The following CFAP61 variants were observed in gnomAD, a reference collection of about 807,000 sequenced individuals.
CFAP61 encodes cilia and flagella associated protein 61.
A neutral mutation model predicts 135.6 loss-of-function variants in CFAP61; 107 were observed. That is an observed-to-expected ratio of 0.79 (90% CI 0.67 to 0.93). The LOEUF (loss-of-function observed/expected upper bound fraction) is 0.93, where lower values mean the gene tolerates loss of function less well. Ranked by LOEUF, CFAP61 falls within the 40% of genes least tolerant of loss-of-function variation. CFAP61 has a pLI of 0.00. For synonymous variants in CFAP61, 575 were observed against 578.5 expected (o/e 0.99, Z 0.09); for missense variants, 1,507 against 1,556.2 (o/e 0.97, Z 0.53).
chr20:20,261,595 C>T (rs374174658), intron 20 of CFAP61, among the ~76,000 whole-genome samples: 7 of 152,154 alleles, frequency 4.6e-5, no homozygotes, highest in Non-Finnish European at 1.0e-4. Context: ...ATTTGGGGAA[C>T]CTCAGGTCAC....
At chr20:20,297,056 C>T (rs1055220268) in intron 24 of CFAP61, among the ~76,000 whole-genome samples, 13 of 152,134 alleles carry the variant, frequency 8.5e-5, no homozygotes, top group African/African-American at 1.9e-4. Flanking sequence ...CTCTCACACA[C>T]GCACCTGGGG....
At chr20:20,279,871 T>G (rs1275469926) in intron 22 of CFAP61, among the ~76,000 whole-genome samples, 1 of 152,138 alleles carries the variant, frequency 6.6e-6, no homozygotes, top group Non-Finnish European at 1.5e-5. Context: ...TGAACAATAG[T>G]TTGTACCTGT....
At chr20:20,070,126 A>T (rs1455953229) in intron 2 of CFAP61, among the ~76,000 whole-genome samples, 1 of 152,206 alleles carries the variant, frequency 6.6e-6, no homozygotes, top group Admixed American at 6.5e-5. Flanking sequence ...TTGTCAAGAT[A>T]GTCCCTCTGA....
At chr20:20,306,753 G>A (rs182737351) in intron 25 of CFAP61, among the ~76,000 whole-genome samples, 2 of 152,114 alleles carry the variant, frequency 1.3e-5, no homozygotes, top group Admixed American at 6.5e-5. Context: ...AGAGGAAGGC[G>A]CTGGCATTCT....
chr20:20,242,783 G>A (rs1337990736), intron 18 of CFAP61, among the ~76,000 whole-genome samples: 1 of 152,234 alleles, frequency 6.6e-6, no homozygotes, highest in Non-Finnish European at 1.5e-5. Context: ...TTTCCTCGCA[G>A]ATGACACTTT....
chr20:20,244,311 C>T (rs2050259276), intron 18 of CFAP61, among the ~76,000 whole-genome samples: 1 of 152,224 alleles, frequency 6.6e-6, no homozygotes, highest in Non-Finnish European at 1.5e-5. Flanking sequence ...TCCATGAGAG[C>T]CCTGCCCCTG....
intron 7 of CFAP61, among the ~76,000 whole-genome samples, chr20:20,097,096 ATTTT>A (rs3060424): frequency 0.72 from 106,185 of 147,406 alleles, 38,372 homozygotes; most frequent in East Asian, 0.96. Context: ...TTTAATACCT[ATTTT>A]TTTTTTTTTT....
intron 25 of CFAP61, among the ~76,000 whole-genome samples, chr20:20,308,643 T>C (rs1251995244): frequency 2.0e-5 from 3 of 152,190 alleles, no homozygotes; most frequent in African/African-American, 7.2e-5. Context: ...GCCAGAGTTA[T>C]GAAGACAACC....
intron 17 of CFAP61, among the ~76,000 whole-genome samples, chr20:20,202,500 TA>T (rs927634214): frequency 2.0e-4 from 31 of 152,256 alleles, no homozygotes; most frequent in Non-Finnish European, 3.1e-4. Flanking sequence ...GCCTCGGTAT[TA>T]AAAAGTTAAA....
chr20:20,157,289 T>G (rs2052998623), intron 9 of CFAP61, among the ~76,000 whole-genome samples: 1 of 152,148 alleles, frequency 6.6e-6, no homozygotes, highest in Non-Finnish European at 1.5e-5. Flanking sequence ...GCCAGGCTGG[T>G]CTTGAACTTT....
intron 3 of CFAP61, among the ~76,000 whole-genome samples, chr20:20,071,703 C>G (rs114520802): frequency 6.6e-6 from 1 of 152,116 alleles, no homozygotes; most frequent in Non-Finnish European, 1.5e-5. Flanking sequence ...AGGGAATGCC[C>G]AATGAGTGTG....
At chr20:20,124,756 T>G (rs7272518) in intron 8 of CFAP61, among the ~76,000 whole-genome samples, 27,214 of 151,660 alleles carry the variant, frequency 0.18, 2,824 homozygotes, top group African/African-American at 0.2. Context: ...GGAGGGTTCC[T>G]TCTTTCTCTA....
chr20:20,068,012 G>T (rs996643099), intron 2 of CFAP61, among the ~76,000 whole-genome samples: 1 of 151,994 alleles, frequency 6.6e-6, no homozygotes, highest in Non-Finnish European at 1.5e-5. Flanking sequence ...GGCTTCCCAG[G>T]CCAACCCACA....
chr20:20,337,027 T>G (rs1186719810), intron 25 of CFAP61, among the ~76,000 whole-genome samples: 1 of 152,236 alleles, frequency 6.6e-6, no homozygotes, highest in African/African-American at 2.4e-5. Flanking sequence ...ACCCTAGGTC[T>G]TCTCCTTCCT....
In CFAP61 at chr20:20,251,673, C is replaced by A. The variant is rs754106206; in HGVS notation, c.2238C>A (p.Gly746=). ...WVNVVVGRMT[G]IDRAAKHVVL... ...ATGTCGTGGTGGGTAGAATGACCGGCATAGACCGAGCAGCCAAGCACGTTG... is the reference window on the plus strand; with the variant it reads ...ATGTCGTGGTGGGTAGAATGACCGGAATAGACCGAGCAGCCAAGCACGTTG... Residue 746 remains glycine (G), a synonymous_variant, in exon 20 of 27, where the codon GGC becomes GGA. Coordinates refer to ENST00000245957, the MANE Select transcript of CFAP61 (RefSeq NM_015585.4). The A allele has an allele frequency of 1.6e-5, 26 of 1,614,116 alleles. No individual in the cohort carries two copies. In the Middle Eastern group the frequency reaches 6.6e-4, roughly 41 times the overall value.
chr20:20,264,219 C>A (rs1440209919), intron 21 of CFAP61, among the ~76,000 whole-genome samples: 1 of 152,056 alleles, frequency 6.6e-6, no homozygotes, highest in Non-Finnish European at 1.5e-5. Flanking sequence ...ATGAGATTGA[C>A]CTGTAGTTCT....
chr20:20,084,975 T>C (rs2046693247), intron 6 of CFAP61: 1 of 331,372 alleles, frequency 3.0e-6, no homozygotes. Flanking sequence ...GAAGTTAAAA[T>C]AAAATATTGT....
chr20:20,093,946 C>T (rs190730151), intron 7 of CFAP61, among the ~76,000 whole-genome samples: 114 of 152,188 alleles, frequency 7.5e-4, no homozygotes, highest in African/African-American at 2.6e-3. Context: ...CAAAGTGCTA[C>T]GGTTACAGGC....
At chr20:20,257,513 G>T (rs547835634) in intron 20 of CFAP61, among the ~76,000 whole-genome samples, 1 of 151,594 alleles carries the variant, frequency 6.6e-6, no homozygotes, top group African/African-American at 2.4e-5. Context: ...TACTTGGAAG[G>T]CTGAGGCAAA....
Sources: gnomAD v4.1 joint callset for allele counts (sites outside exome capture counted in the v4.1 genomes callset) on GRCh38, gnomAD v4.1.1 for gene constraint, MANE v1.5 for transcripts, NCBI Gene and HGNC (gene_info 2026-07-23, HGNC 2026-07-21) for gene names.